ARL13B: variants seen among roughly 807,000 people sequenced by gnomAD.
ARL13B encodes ARF like GTPase 13B.
A neutral mutation model predicts 56.1 loss-of-function variants in ARL13B; 36 were observed. That is an observed-to-expected ratio of 0.64 (90% confidence interval 0.49 to 0.85). ARL13B has a LOEUF of 0.85. Among genes scored for constraint, ARL13B ranks in the 40% least tolerant of loss-of-function variants. ARL13B has a pLI of 0.00. For synonymous variants in ARL13B, 178 were observed against 171.1 expected (o/e 1.04, Z -0.32); for missense variants, 519 against 507.1 (o/e 1.02, Z -0.23).
At chr3:94,046,222 C>T (rs1050816060) in intron 7 of ARL13B, among the ~76,000 whole-genome samples, 2 of 151,914 alleles carry the variant, frequency 1.3e-5, no homozygotes, top group Non-Finnish European at 2.9e-5. Flanking sequence ...AAATAGTGAA[C>T]ATAAACATTA....
chr3:93,992,612 CA>C (rs1383696463), intron 1 of ARL13B, among the ~76,000 whole-genome samples: 1 of 152,080 alleles, frequency 6.6e-6, no homozygotes, highest in Non-Finnish European at 1.5e-5. Flanking sequence ...TAGTAGAAAA[CA>C]GAGATTTATT....
At position 94,053,771 on chromosome 3, in the gene ARL13B, A is replaced by G. The variant is rs1419146781; in HGVS notation, c.*508A>G. 2 of 296,748 alleles carry G rather than the reference A, an allele frequency of 6.7e-6. No homozygotes were observed. Among genetic ancestry groups the G allele is most frequent in the African/African-American group, 2.2e-5 (1 of 44,844 alleles). The allele number at this position is 296,748 out of a possible 1,614,324, so 18.4% of individuals were successfully genotyped here. A position where few individuals can be genotyped will look rare whatever the true frequency, so the allele number is the denominator to read the frequency against. On this transcript the variant is annotated 3_prime_UTR_variant, in exon 10 of 10. Transcript: ENST00000394222. ...GTGATATTGATTATACACCTTTTTT[A>G]TAGATGATTTGTTTAAATTATATCT...
intron 4 of ARL13B, 124 bp from the exon 5 acceptor site, chr3:94,036,428 A>G: frequency 2.2e-6 from 2 of 928,792 alleles, no homozygotes; most frequent in East Asian, 5.2e-5. Flanking sequence ...TTAAATAAGC[A>G]GATGCTTCAT....
At chr3:94,027,003 A>T (rs2076571395) in intron 3 of ARL13B, among the ~76,000 whole-genome samples, 1 of 152,142 alleles carries the variant, frequency 6.6e-6, no homozygotes, top group African/African-American at 2.4e-5. Context: ...AAACAGAAAC[A>T]TGAGTAAAAA....
chr3:94,044,119 C>T (rs1356768102), intron 7 of ARL13B, among the ~76,000 whole-genome samples: 3 of 151,270 alleles, frequency 2.0e-5, no homozygotes, highest in African/African-American at 4.9e-5. Flanking sequence ...GGCCGCCCAT[C>T]GTCTGGGATG....
At chr3:94,014,308 G>T in intron 3 of ARL13B, 1 of 1,237,644 alleles carries the variant, frequency 8.1e-7, no homozygotes, top group Non-Finnish European at 1.1e-6. Context: ...TCCATGAGAT[G>T]GAGAAAAACA....
At chr3:94,000,619 A>T (rs558640299) in intron 2 of ARL13B, among the ~76,000 whole-genome samples, 116 of 148,844 alleles carry the variant, frequency 7.8e-4, no homozygotes, top group African/African-American at 2.8e-3. Flanking sequence ...TTATTTGTGT[A>T]TGTGTGTGTG....
At chr3:94,052,014 T>G (rs1032889390) in intron 9 of ARL13B, among the ~76,000 whole-genome samples, 2 of 152,044 alleles carry the variant, frequency 1.3e-5, no homozygotes, top group Admixed American at 1.3e-4. Context: ...TCTGTTTAGT[T>G]TACTGACTTG....
At chr3:94,036,238 C>T (rs1304560192) in intron 4 of ARL13B, among the ~76,000 whole-genome samples, 1 of 152,096 alleles carries the variant, frequency 6.6e-6, no homozygotes, top group Non-Finnish European at 1.5e-5. Context: ...ATTAAAACTT[C>T]CTGGCATTTT....
intron 2 of ARL13B, among the ~76,000 whole-genome samples, 181 bp downstream of exon 2, chr3:93,996,125 A>G (rs1331617055): frequency 3.3e-5 from 5 of 152,218 alleles, no homozygotes; most frequent in African/African-American, 1.2e-4. Flanking sequence ...GGACCAGACT[A>G]TTATGTTTCA....
chr3:93,980,415 CGACCCGGGAT>C lies in ARL13B; in HGVS notation c.-7_3del. On this transcript the variant is annotated start_lost and 5_prime_UTR_variant, in exon 1 of 10. Transcript: ENST00000394222. ...CTCGGATGGGAAGTGGTGGGAGGAGCGACCCGGGATGTTCAGTCTGATGGCCAGTTGCTGC... is the reference window on the plus strand; with the variant it reads ...CTCGGATGGGAAGTGGTGGGAGGAGCGTTCAGTCTGATGGCCAGTTGCTGC... The C allele has an allele frequency of 6.2e-7, 1 of 1,611,862 alleles. No individual in the cohort carries two copies. Among genetic ancestry groups the C allele is most frequent in the Admixed American group, 1.7e-5 (1 of 60,024 alleles).
At chr3:93,999,564 T>G (rs1201536507) in intron 2 of ARL13B, among the ~76,000 whole-genome samples, 6 of 152,226 alleles carry the variant, frequency 3.9e-5, no homozygotes. Flanking sequence ...CCTGAACATC[T>G]ATTCTTTGCG....
Position 93,996,056 on chromosome 3 carries a change from A to G in ARL13B, c.130+112A>G, listed in dbSNP as rs925711991. On this transcript the variant is annotated intron_variant, in intron 2 of 9. Transcript: ENST00000394222. ...ATTTGGTACAGATACTGTGCACTGC[A>G]TTACTTTATATTCTTAGTATATTTG... 11 of 1,022,108 alleles carry G rather than the reference A, an allele frequency of 1.1e-5. No individual in the cohort carries two copies. In the Admixed American group the frequency reaches 1.5e-4, roughly 14 times the overall value. 63.3% of individuals were successfully genotyped at this position (1,022,108 alleles called of 1,614,324 possible). A position where few individuals can be genotyped will look rare whatever the true frequency, so the allele number is the denominator to read the frequency against.
At chr3:94,047,191 T>C (rs907224140) in intron 7 of ARL13B, among the ~76,000 whole-genome samples, 2 of 152,202 alleles carry the variant, frequency 1.3e-5, no homozygotes, top group African/African-American at 4.8e-5. Flanking sequence ...TTATAAGAAA[T>C]TTTTATAGTA....
rs1404675207 is a variant in ARL13B at position 94,055,189 on chromosome 3, A to G, written c.*1926A>G. 4 of 374,040 alleles carry G rather than the reference A, an allele frequency of 1.1e-5. No homozygotes were observed. The highest frequency in any genetic ancestry group is 2.1e-5 in the Non-Finnish European group (4 of 194,500). The allele number at this position is 374,040 out of a possible 1,614,324, so 23.2% of individuals were successfully genotyped here. On this transcript the variant is annotated 3_prime_UTR_variant, in exon 10 of 10. Transcript: ENST00000394222. ...TGTTTTGTAAATCCAGGTGTATTTT[A>G]ACAATTAAATGCCTATTTTGTTATA...
rs1392402727 is a variant in ARL13B, at chr3:94,015,378, G to A, written c.380+11470G>A. 8 of 867,050 alleles carry A rather than the reference G, an allele frequency of 9.2e-6. No individual in the cohort carries two copies. In the Admixed American group the frequency reaches 2.4e-4, roughly 26 times the overall value. 53.7% of individuals were successfully genotyped at this position (867,050 alleles called of 1,614,324 possible). A position where few individuals can be genotyped will look rare whatever the true frequency, so the allele number is the denominator to read the frequency against. ...CATAACTGTCTATATCCCAGCAAAA[G>A]TTCTCCTAGTTTTCTCAAATGAGGT... On this transcript the variant is annotated intron_variant, in intron 3 of 9. Coordinates refer to ENST00000394222, the MANE Select transcript of ARL13B (RefSeq NM_001174150.2).
rs1351901285 is a variant in ARL13B at position 94,039,791 on chromosome 3, TG to T, written c.690-88del. The T allele has an allele frequency of 3.7e-6, 4 of 1,071,146 alleles. No homozygotes were observed. The Admixed American group carries it at 8.5e-5, about 23-fold the overall frequency. 66.4% of individuals were successfully genotyped at this position (1,071,146 alleles called of 1,614,324 possible). A position where few individuals can be genotyped will look rare whatever the true frequency, so the allele number is the denominator to read the frequency against. On this transcript the variant is annotated intron_variant, in intron 5 of 9. Coordinates refer to ENST00000394222, the MANE Select transcript of ARL13B (RefSeq NM_001174150.2). ...ATGTCCAGATGTTTAAATTACTACATGTAATAGCCTTATACCTATTGCAGTT... is the reference window on the plus strand; with the variant it reads ...ATGTCCAGATGTTTAAATTACTACATTAATAGCCTTATACCTATTGCAGTT...
chr3:93,992,132 C>T lies in ARL13B; in HGVS notation c.60-3742C>T, dbSNP rs530627655. The stretch of plus-strand genomic sequence containing the variant: ...AGGTAAAAGCTAATTTTCTTGGTGG[C>T]TTTAGGAACAGTGTTTCAAAATGCA... On this transcript the variant is annotated intron_variant, in intron 1 of 9. Transcript: ENST00000394222. Among the ~76,000 whole-genome samples, 8 of 151,742 alleles carry T rather than the reference C, an allele frequency of 5.3e-5. No homozygotes were observed. The South Asian group carries it at 1.5e-3, about 28-fold the overall frequency.
chr3:94,031,644 A>G (rs1360004740), intron 3 of ARL13B, among the ~76,000 whole-genome samples: 1 of 152,230 alleles, frequency 6.6e-6, no homozygotes, highest in Non-Finnish European at 1.5e-5. Flanking sequence ...TAAGTTCATA[A>G]TGATGCCTCT....
Sources: gnomAD v4.1 joint callset for allele counts (sites outside exome capture counted in the v4.1 genomes callset) on GRCh38, gnomAD v4.1.1 for gene constraint, MANE v1.5 for transcripts, NCBI Gene and HGNC (gene_info 2026-07-23, HGNC 2026-07-21) for gene names.